LARP4B: variants seen among roughly 807,000 people sequenced by gnomAD.
The protein encoded by LARP4B is la-related protein 4B.
LARP4B carries 12 observed loss-of-function variants against 89.8 expected under a neutral mutation model. The ratio of observed to expected loss-of-function variants is 0.13; its 90% confidence interval spans 0.09 to 0.22. LARP4B has a LOEUF of 0.22. LARP4B is among the 10% of genes least tolerant of loss of function. The pLI, the probability that LARP4B is intolerant of heterozygous loss-of-function variation, is 1.00. For missense variants in LARP4B, 757 were observed against 947.7 expected (o/e 0.80, Z 2.64); for synonymous variants, 367 against 363.3 (o/e 1.01, Z -0.12).
At chr10:967,156 A>C in the LARP4B span, among the ~76,000 whole-genome samples, 2 of 152,242 alleles carry the variant, frequency 1.3e-5, no homozygotes, top group African/African-American at 4.8e-5. Context: ...GACAGCCCCA[A>C]ATCTTCAGAC....
At chr10:839,301 C>G (rs1276776929) in intron 7 of LARP4B, among the ~76,000 whole-genome samples, 1 of 152,170 alleles carries the variant, frequency 6.6e-6, no homozygotes, top group Non-Finnish European at 1.5e-5. Context: ...TCAATTATAA[C>G]AAATGTTCCT....
chr10:925,217 T>G (rs1202780240), intron 1 of LARP4B, among the ~76,000 whole-genome samples: 1 of 152,170 alleles, frequency 6.6e-6, no homozygotes, highest in African/African-American at 2.4e-5. Flanking sequence ...CACTTTCCTA[T>G]TCCTGCTGGA....
chr10:974,756 C>T, the LARP4B span, among the ~76,000 whole-genome samples: 1 of 152,234 alleles, frequency 6.6e-6, no homozygotes, highest in Admixed American at 6.5e-5. Flanking sequence ...CCGTGAAACA[C>T]CTGCTAATAC....
intron 1 of LARP4B, among the ~76,000 whole-genome samples, chr10:886,632 C>T (rs1046516270): frequency 8.5e-5 from 13 of 152,102 alleles, no homozygotes; most frequent in African/African-American, 3.1e-4. Context: ...TATTATTCAG[C>T]CTTTAAAAAG....
At chr10:910,867 G>C (rs1016729767) in intron 1 of LARP4B, among the ~76,000 whole-genome samples, 2 of 152,200 alleles carry the variant, frequency 1.3e-5, no homozygotes, top group African/African-American at 4.8e-5. Flanking sequence ...CAGCCCTTTT[G>C]CTCCTCCAGA....
intron 14 of LARP4B, 80 bp downstream of exon 14, chr10:820,720 A>C (rs1015377119): frequency 3.2e-6 from 4 of 1,258,968 alleles, no homozygotes; most frequent in African/African-American, 3.0e-5. Context: ...CCTTAACCTT[A>C]ATCCATTTAA....
In LARP4B at chr10:900,131, A is replaced by C. The variant is rs934566551; in HGVS notation, c.-39-14371T>G. On this transcript the variant is annotated intron_variant, in intron 1 of 17. Transcript: ENST00000316157. ...GAGGCCGAGGCGGGTGGATCATCTG[A>C]GGTCAGGAGTTTGAGACAAGCCTGG... Among the ~76,000 whole-genome samples the C allele has an allele frequency of 7.9e-5, 12 of 152,208 alleles. No individual in the cohort carries two copies. In the East Asian group the frequency reaches 2.3e-3, roughly 29 times the overall value.
the LARP4B span, among the ~76,000 whole-genome samples, chr10:954,353 G>T: frequency 6.6e-6 from 1 of 152,174 alleles, no homozygotes; most frequent in African/African-American, 2.4e-5. The surrounding 1 kb of genome is among the most constrained non-coding windows in gnomAD (Gnocchi z 5.0). Context: ...CCTCCTACAT[G>T]TGGACGCGGA....
intron 7 of LARP4B, among the ~76,000 whole-genome samples, chr10:839,420 A>G (rs1488087759): frequency 2.0e-5 from 3 of 152,198 alleles, no homozygotes; most frequent in Non-Finnish European, 4.4e-5. Flanking sequence ...AACTGTTATA[A>G]AAAATAAAGT....
chr10:969,702 C>T, the LARP4B span, among the ~76,000 whole-genome samples: 2 of 151,758 alleles, frequency 1.3e-5, no homozygotes, highest in East Asian at 1.9e-4. Flanking sequence ...GCACTCCAGC[C>T]GGAACAGCAC....
At position 851,111 on chromosome 10, in the gene LARP4B, C is replaced by A. The variant is rs1232816348; in HGVS notation, c.431-6056G>T. On this transcript the variant is annotated intron_variant, in intron 5 of 17. Transcript: ENST00000316157. ...AAATCGTAAGAGAGTATATTACAAA[C>A]ATCAGAAGAAAGAATGAAATAGGAA... Among the ~76,000 whole-genome samples the A allele has an allele frequency of 2.7e-5, 4 of 149,100 alleles. No homozygotes were observed. In the East Asian group the frequency reaches 7.8e-4, roughly 29 times the overall value.
At chr10:958,934 A>G in the LARP4B span, among the ~76,000 whole-genome samples, 1 of 152,260 alleles carries the variant, frequency 6.6e-6, no homozygotes, top group African/African-American at 2.4e-5. Context: ...GCATTAGACC[A>G]GAAGGACAAA....
chr10:854,515 C>T (rs1316991151), intron 5 of LARP4B, among the ~76,000 whole-genome samples: 1 of 152,094 alleles, frequency 6.6e-6, no homozygotes, highest in Admixed American at 6.5e-5. Context: ...GTACACCTGT[C>T]AGAGCTCTTG....
chr10:868,666 G>A (rs1472240163), intron 3 of LARP4B, among the ~76,000 whole-genome samples: 3 of 152,144 alleles, frequency 2.0e-5, no homozygotes, highest in African/African-American at 7.2e-5. Context: ...ATACTGTTTT[G>A]CCTCCACAAC....
At chr10:865,404 G>C (rs1309329773) in intron 3 of LARP4B, among the ~76,000 whole-genome samples, 1 of 152,124 alleles carries the variant, frequency 6.6e-6, no homozygotes, top group African/African-American at 2.4e-5. Context: ...AAACCCTCCC[G>C]CATCAGCTTG....
At position 929,584 on chromosome 10, in the gene LARP4B, C is replaced by A. The variant is rs373287714; in HGVS notation, c.-40+1844G>T. Among the ~76,000 whole-genome samples the A allele has an allele frequency of 1.3e-4, 14 of 105,710 alleles. No individual in the cohort carries two copies. The South Asian group carries it at 5.5e-3, about 41-fold the overall frequency. 69.3% of individuals were successfully genotyped at this position (105,710 alleles called of 152,430 possible). A position where few individuals can be genotyped will look rare whatever the true frequency, so the allele number is the denominator to read the frequency against. ...CTGCACTCCATCCTGGGTGACAGAA[C>A]AAGACTCCAACTCGGGGGGGGAAGA... On this transcript the variant is annotated intron_variant, in intron 1 of 17. Coordinates refer to ENST00000316157, the MANE Select transcript of LARP4B (RefSeq NM_015155.3).
At position 890,972 on chromosome 10, in the gene LARP4B, A is replaced by G. The variant is rs1836000743; in HGVS notation, c.-39-5212T>C. Among the ~76,000 whole-genome samples the G allele has an allele frequency of 3.3e-5, 5 of 152,216 alleles. No individual in the cohort carries two copies. The South Asian group carries it at 1.0e-3, about 31-fold the overall frequency. ...GGGCAAGTCATAGAAGGCGCTGTGG[A>G]TGCTTTTGCCAACATTAATTTCCAG... On this transcript the variant is annotated intron_variant, in intron 1 of 17. Transcript: ENST00000316157.
chr10:953,961 C>T, the LARP4B span, among the ~76,000 whole-genome samples: 8 of 152,220 alleles, frequency 5.3e-5, no homozygotes, highest in African/African-American at 1.2e-4. Flanking sequence ...TTTGCTGATT[C>T]GGAGCAAGGG....
the LARP4B span, among the ~76,000 whole-genome samples, chr10:941,516 C>T: frequency 6.6e-6 from 1 of 151,798 alleles, no homozygotes; most frequent in Non-Finnish European, 1.5e-5. Context: ...CGGGGGGTGT[C>T]TCACCATGTT....
Sources: allele counts gnomAD v4.1 joint callset (sites outside exome capture counted in the v4.1 genomes callset), GRCh38; gene constraint gnomAD v4.1.1; non-coding constraint Gnocchi (gnomAD v3.1); transcripts MANE v1.5; gene names NCBI Gene and HGNC (gene_info 2026-07-23, HGNC 2026-07-21).